The following NUB1 variants were observed in gnomAD, a reference collection of about 807,000 sequenced individuals.
NUB1 encodes NEDD8 ultimate buster 1.
A neutral mutation model predicts 77.1 loss-of-function variants in NUB1; 41 were observed. The observed-to-expected ratio is 0.53, with a 90% CI of 0.41 to 0.69. NUB1 has a LOEUF of 0.69. NUB1 is among the 30% of genes least tolerant of loss of function. The pLI is 0.00. For synonymous variants in NUB1, 257 were observed against 281.0 expected (o/e 0.91, Z 0.85); for missense variants, 643 against 743.8 (o/e 0.86, Z 1.58).
intron 7 of NUB1, among the ~76,000 whole-genome samples, 182 bp downstream of exon 7, chr7:151,356,404 C>T (rs948522413): frequency 6.6e-6 from 1 of 152,212 alleles, no homozygotes; most frequent in African/African-American, 2.4e-5. Flanking sequence ...TCACCCTGTG[C>T]TTTTCAGCGC....
intron 8 of NUB1, among the ~76,000 whole-genome samples, chr7:151,364,044 T>C (rs1341244381): frequency 1.3e-5 from 2 of 151,156 alleles, no homozygotes; most frequent in Non-Finnish European, 3.0e-5. Flanking sequence ...TCCGTCCGCC[T>C]CAGCCTCCCA....
chr7:151,366,816 A>C (rs1797711195), intron 8 of NUB1, 123 bp from the exon 9 acceptor site: 3 of 667,470 alleles, frequency 4.5e-6, no homozygotes, highest in Non-Finnish European at 7.4e-6. Context: ...CTTTTAGAGC[A>C]GTCAGCCTTT....
intron 7 of NUB1, 142 bp downstream of exon 7, chr7:151,356,364 C>T (rs993517073): frequency 2.1e-5 from 14 of 681,832 alleles, no homozygotes; most frequent in Admixed American, 1.5e-4. Flanking sequence ...AAAATGTCAC[C>T]ACGTGGTGAG....
At chr7:151,371,077 T>C (rs1042937796) in intron 11 of NUB1, among the ~76,000 whole-genome samples, 29 of 152,228 alleles carry the variant, frequency 1.9e-4, no homozygotes, top group Non-Finnish European at 3.2e-4. Flanking sequence ...TTTCTGAAGT[T>C]AAAAGCCCTT....
intron 7 of NUB1, among the ~76,000 whole-genome samples, chr7:151,358,879 A>T (rs966378997): frequency 6.6e-6 from 1 of 151,424 alleles, no homozygotes; most frequent in Non-Finnish European, 1.5e-5. Flanking sequence ...CCTGGCTAAC[A>T]CAATGAAACC....
intron 8 of NUB1, 48 bp from the exon 9 acceptor site, chr7:151,366,873 GGTTTCAAATGCTAAAAAT>G (rs1451567653): frequency 7.7e-7 from 1 of 1,303,904 alleles, no homozygotes; most frequent in African/African-American, 1.5e-5. Flanking sequence ...TTCACAAAAA[GGTTTCAAATGCTAAAAAT>G]GTTTCAAATG....
At chr7:151,353,918 C>T (rs1796940132) in intron 5 of NUB1, among the ~76,000 whole-genome samples, 1 of 152,232 alleles carries the variant, frequency 6.6e-6, no homozygotes. Context: ...TATCTTTTCA[C>T]TGTTGCCTCA....
rs765756101 is a variant in NUB1, at chr7:151,374,396, C to A, written c.1395+153C>A. The A allele has an allele frequency of 4.8e-6, 5 of 1,048,554 alleles. No individual in the cohort carries two copies. In the South Asian group the frequency reaches 5.5e-5, roughly 11 times the overall value. 65.0% of individuals were successfully genotyped at this position (1,048,554 alleles called of 1,614,324 possible). On this transcript the variant is annotated intron_variant, in intron 12 of 14. Transcript: ENST00000568733. ...GGCAGGTTTCTCCTGGGCTCCAGCC[C>A]AGACACAGGCTGCGTGAGGCCACGT...
intron 3 of NUB1, among the ~76,000 whole-genome samples, chr7:151,350,900 T>C (rs147535452): frequency 1.8e-3 from 279 of 152,276 alleles, no homozygotes; most frequent in African/African-American, 6.5e-3. Flanking sequence ...ATTCATACGA[T>C]GGAAAACTGT....
intron 14 of NUB1, 57 bp from the exon 15 acceptor site, chr7:151,376,988 GCA>G: frequency 6.9e-7 from 1 of 1,450,960 alleles, no homozygotes; most frequent in Middle Eastern, 1.8e-4. Context: ...CTGTGGTCGT[GCA>G]GTGTCCCCAG....
chr7:151,367,419 G>A (rs1797744118), intron 9 of NUB1, among the ~76,000 whole-genome samples: 1 of 152,174 alleles, frequency 6.6e-6, no homozygotes, highest in South Asian at 2.1e-4. Flanking sequence ...TATCGGTAGA[G>A]TCTAATTTGC....
chr7:151,370,028 C>T (rs115237718), intron 11 of NUB1, among the ~76,000 whole-genome samples: 2,098 of 152,106 alleles, frequency 0.014, 45 homozygotes, highest in African/African-American at 0.048. Context: ...CTAGTCCAAT[C>T]GTGGTCCTTT....
At chr7:151,363,475 G>T (rs928909516) in intron 8 of NUB1, among the ~76,000 whole-genome samples, 2 of 149,256 alleles carry the variant, frequency 1.3e-5, no homozygotes. Flanking sequence ...AAAATGAACA[G>T]AGCATCTGCA....
chr7:151,351,620 A>C, intron 4 of NUB1, 138 bp downstream of exon 4: 1 of 656,782 alleles, frequency 1.5e-6, no homozygotes, highest in East Asian at 2.8e-5. Context: ...TGAGGCTTTG[A>C]GGTTGAAGGA....
At chr7:151,350,550 C>G (rs981796043) in intron 3 of NUB1, among the ~76,000 whole-genome samples, 1 of 152,346 alleles carries the variant, frequency 6.6e-6, no homozygotes, top group South Asian at 2.1e-4. Flanking sequence ...GCTCCTATCT[C>G]TGTGTGGCCT....
intron 8 of NUB1, among the ~76,000 whole-genome samples, chr7:151,363,666 A>G (rs957196878): frequency 2.0e-5 from 3 of 151,796 alleles, no homozygotes; most frequent in African/African-American, 7.3e-5. Flanking sequence ...GAAATATCAG[A>G]AAAAAACTAC....
intron 5 of NUB1, among the ~76,000 whole-genome samples, chr7:151,354,558 G>T (rs1455679717): frequency 2.0e-5 from 3 of 151,964 alleles, no homozygotes; most frequent in African/African-American, 7.3e-5. Flanking sequence ...ATTTTTGTTA[G>T]ATTTGTGTAT....
At chr7:151,351,534 G>T in intron 4 of NUB1, 52 bp downstream of exon 4, 1 of 1,312,706 alleles carries the variant, frequency 7.6e-7, no homozygotes, top group South Asian at 1.2e-5. Flanking sequence ...TTTTACATTG[G>T]CTTATTTGAT....
chr7:151,351,123 T>G, intron 3 of NUB1: 7 of 343,190 alleles, frequency 2.0e-5, no homozygotes, highest in East Asian at 7.9e-5. Context: ...GTGCAGGCCA[T>G]GGTGTTTCTT....
Sources: allele counts gnomAD v4.1 joint callset (sites outside exome capture counted in the v4.1 genomes callset), GRCh38; gene constraint gnomAD v4.1.1; transcripts MANE v1.5; gene names NCBI Gene and HGNC (gene_info 2026-07-23, HGNC 2026-07-21).